QKI: variants seen among roughly 807,000 people sequenced by gnomAD.
QKI encodes the protein QKI, KH domain containing RNA binding.
In QKI, 10 loss-of-function variants were observed where a neutral mutation model predicts 39.0. The ratio of observed to expected loss-of-function variants is 0.26; its 90% CI spans 0.16 to 0.43. The LOEUF is 0.43. Among genes scored for constraint, QKI ranks in the 20% least tolerant of loss-of-function variants. The pLI is 1.00. For missense variants in QKI, 218 were observed against 428.0 expected (o/e 0.51, Z 4.33); for synonymous variants, 204 against 155.4 (o/e 1.31, Z -2.33).
At chr6:163,527,782 A>G (rs191826394) in intron 3 of QKI, among the ~76,000 whole-genome samples, 1,606 of 152,276 alleles carry the variant, frequency 0.011, 31 homozygotes, top group African/African-American at 0.036. Context: ...GTTTTATTGA[A>G]AAGTGGTAAA....
intron 2 of QKI, among the ~76,000 whole-genome samples, chr6:163,461,575 T>C (rs758818309): frequency 3.3e-5 from 5 of 152,214 alleles, no homozygotes; most frequent in South Asian, 2.1e-4. Context: ...AAAGGACTTA[T>C]GGATAATTTG....
intron 1 of QKI, among the ~76,000 whole-genome samples, chr6:163,436,343 A>G (rs1025259317): frequency 6.6e-6 from 1 of 152,226 alleles, no homozygotes; most frequent in Admixed American, 6.5e-5. Flanking sequence ...GGTACATTAC[A>G]TAATAAGGGT....
intron 3 of QKI, among the ~76,000 whole-genome samples, chr6:163,480,757 C>T (rs1055268122): frequency 2.0e-5 from 3 of 152,096 alleles, no homozygotes; most frequent in Admixed American, 1.3e-4. Flanking sequence ...CATGTTTGGA[C>T]TTAGGATTAT....
intron 2 of QKI, among the ~76,000 whole-genome samples, chr6:163,461,590 C>T (rs1037110435): frequency 1.3e-5 from 2 of 152,166 alleles, no homozygotes; most frequent in Non-Finnish European, 2.9e-5. Context: ...AATTTGATAT[C>T]TACTCATAGG....
chr6:163,476,096 T>C (rs1165097555), intron 2 of QKI, among the ~76,000 whole-genome samples: 1 of 152,150 alleles, frequency 6.6e-6, no homozygotes, highest in Non-Finnish European at 1.5e-5. Flanking sequence ...AATGCTTAGC[T>C]TCATTAGTAG....
chr6:163,492,556 T>C (rs1265763824), intron 3 of QKI, among the ~76,000 whole-genome samples: 6 of 152,176 alleles, frequency 3.9e-5, no homozygotes, highest in Non-Finnish European at 8.8e-5. Context: ...GAAGAATGTT[T>C]TTAAAAAGGT....
intron 1 of QKI, among the ~76,000 whole-genome samples, chr6:163,415,605 G>C (rs550742113): frequency 5.2e-4 from 79 of 151,850 alleles, no homozygotes; most frequent in African/African-American, 1.8e-3. Context: ...GGAGGGCTGC[G>C]GGGTGAGCCC....
At chr6:163,420,360 A>G (rs990838662) in intron 1 of QKI, among the ~76,000 whole-genome samples, 6 of 151,870 alleles carry the variant, frequency 4.0e-5, no homozygotes, top group African/African-American at 1.5e-4. Flanking sequence ...TGTAAGCAAA[A>G]CTTGCCCTTC....
At chr6:163,445,396 A>G (rs989847778) in intron 1 of QKI, among the ~76,000 whole-genome samples, 4 of 107,156 alleles carry the variant, frequency 3.7e-5, no homozygotes, top group Non-Finnish European at 7.8e-5. Context: ...CATTGTATTT[A>G]GTAGTGATGT....
In QKI at chr6:163,417,473, C is replaced by T. The variant is rs530135630; in HGVS notation, c.142+2138C>T. ...TTTTGCGTTCTTTAGTTTTAAAAGGCTTCTTGTGCTTTTATGTTGATCTAA... is the reference window on the plus strand; with the variant it reads ...TTTTGCGTTCTTTAGTTTTAAAAGGTTTCTTGTGCTTTTATGTTGATCTAA... On this transcript the variant is annotated intron_variant, in intron 1 of 7. Transcript: ENST00000361752. Among the ~76,000 whole-genome samples the T allele has an allele frequency of 4.6e-5, 7 of 152,172 alleles. No individual in the cohort carries two copies. The South Asian group carries it at 1.2e-3, about 27-fold the overall frequency.
intron 2 of QKI, among the ~76,000 whole-genome samples, chr6:163,467,867 G>A (rs1378750943): frequency 1.3e-5 from 2 of 152,088 alleles, no homozygotes; most frequent in Admixed American, 6.6e-5. Flanking sequence ...TTATGATGGG[G>A]CCATCTCCAG....
At chr6:163,547,763 G>A (rs1781978215) in intron 4 of QKI, among the ~76,000 whole-genome samples, 1 of 151,884 alleles carries the variant, frequency 6.6e-6, no homozygotes, top group South Asian at 2.1e-4. Context: ...CCTCCAAATA[G>A]CACATATCTT....
chr6:163,436,768 C>A (rs1440991875), intron 1 of QKI, among the ~76,000 whole-genome samples: 7 of 113,420 alleles, frequency 6.2e-5, no homozygotes. Flanking sequence ...CAAGCCTGGG[C>A]GACAGAGCGA....
chr6:163,564,172 G>A, intron 6 of QKI: 1 of 1,019,970 alleles, frequency 9.8e-7, no homozygotes, highest in Non-Finnish European at 1.2e-6. Flanking sequence ...ATATTATTGT[G>A]TGTGTTTTGT....
chr6:163,501,729 G>T (rs1778775868), intron 3 of QKI, among the ~76,000 whole-genome samples: 1 of 152,218 alleles, frequency 6.6e-6, no homozygotes, highest in South Asian at 2.1e-4. Flanking sequence ...ATAAGGGATT[G>T]TGCCAGAATG....
chr6:163,420,877 C>T (rs1462895101), intron 1 of QKI, among the ~76,000 whole-genome samples: 2 of 152,076 alleles, frequency 1.3e-5, no homozygotes, highest in Non-Finnish European at 2.9e-5. Flanking sequence ...TAGGTACTAC[C>T]TTCTATGGAG....
At chr6:163,540,108 C>CT (rs148682534) in intron 4 of QKI, among the ~76,000 whole-genome samples, 11,538 of 148,122 alleles carry the variant, frequency 0.078, 493 homozygotes, top group South Asian at 0.097. Flanking sequence ...TGAATAAGTT[C>CT]TTTTTTTTTG....
At chr6:163,506,939 T>C (rs1341190355) in intron 3 of QKI, among the ~76,000 whole-genome samples, 3 of 152,158 alleles carry the variant, frequency 2.0e-5, no homozygotes, top group Non-Finnish European at 4.4e-5. Context: ...AACATGTTTG[T>C]GTATAGTAAT....
intron 7 of QKI, chr6:163,567,967 T>G: frequency 1.0e-6 from 1 of 985,184 alleles, no homozygotes; most frequent in Non-Finnish European, 1.2e-6. Flanking sequence ...ATTGTTAATA[T>G]TTGTTTAGCA....
Sources: gnomAD v4.1 joint callset for allele counts (sites outside exome capture counted in the v4.1 genomes callset) on GRCh38, gnomAD v4.1.1 for gene constraint, MANE v1.5 for transcripts, NCBI Gene and HGNC (gene_info 2026-07-23, HGNC 2026-07-21) for gene names.